B3GALT1: variants seen among roughly 807,000 people sequenced by gnomAD.
B3GALT1 encodes the protein beta-1,3-galactosyltransferase 1, also known as UDP-Gal:betaGlcNAc beta 1,3-galactosyltransferase, polypeptide 1.
B3GALT1 carries 10 observed loss-of-function variants against 23.2 expected under a neutral mutation model. The observed-to-expected ratio is 0.43, with a 90% confidence interval of 0.27 to 0.73. The LOEUF (loss-of-function observed/expected upper bound fraction) is 0.73, where lower values mean the gene tolerates loss of function less well. Ranked by LOEUF, B3GALT1 falls within the 30% of genes least tolerant of loss-of-function variation. The pLI is 0.21. For synonymous variants in B3GALT1, 156 were observed against 141.5 expected, an observed-to-expected ratio of 1.10 and a Z score of -0.73; for missense variants, 299 against 405.4, an observed-to-expected ratio of 0.74 and a Z score of 2.25.
At chr2:167,558,727 A>C (rs1683902985) in intron 2 of B3GALT1, among the ~76,000 whole-genome samples, 1 of 152,220 alleles carries the variant, frequency 6.6e-6, no homozygotes, top group African/African-American at 2.4e-5. Flanking sequence ...TCTGAGATCA[A>C]ACTGCAAGGT....
At chr2:167,575,373 G>T (rs1466713038) in intron 2 of B3GALT1, among the ~76,000 whole-genome samples, 1 of 151,768 alleles carries the variant, frequency 6.6e-6, no homozygotes, top group Non-Finnish European at 1.5e-5. Context: ...GAACTCTAAT[G>T]CTGTTTTACA....
intron 1 of B3GALT1, among the ~76,000 whole-genome samples, 177 bp downstream of exon 1, chr2:167,293,511 TC>T (rs1696293004): frequency 6.6e-6 from 1 of 152,154 alleles, no homozygotes; most frequent in African/African-American, 2.4e-5. Flanking sequence ...TGGTGCGTTC[TC>T]CCTTCCGCGC....
chr2:167,739,065 C>T (rs1687534098), intron 3 of B3GALT1, among the ~76,000 whole-genome samples: 1 of 152,212 alleles, frequency 6.6e-6, no homozygotes, highest in South Asian at 2.1e-4. Context: ...ATTCCATTCC[C>T]TCTGCCCCTC....
intron 2 of B3GALT1, among the ~76,000 whole-genome samples, chr2:167,552,914 AT>A (rs1683774715): frequency 6.6e-6 from 1 of 152,078 alleles, no homozygotes; most frequent in Admixed American, 6.6e-5. Flanking sequence ...TGGTCCTTAA[AT>A]TTCTCCATTG....
At chr2:167,509,434 ATGTGTG>A (rs147601850) in intron 2 of B3GALT1, among the ~76,000 whole-genome samples, 4 of 151,530 alleles carry the variant, frequency 2.6e-5, no homozygotes, top group Admixed American at 2.6e-4. Context: ...ATATATACAT[ATGTGTG>A]TGTGTGTGTA....
At chr2:167,804,573 C>T (rs1399266558) in intron 3 of B3GALT1, among the ~76,000 whole-genome samples, 6 of 151,896 alleles carry the variant, frequency 4.0e-5, no homozygotes, top group African/African-American at 1.2e-4. Context: ...TGAGAACATG[C>T]GGTGTTTGGT....
At chr2:167,839,082 G>T (rs1443203078) in intron 4 of B3GALT1, among the ~76,000 whole-genome samples, 1 of 152,092 alleles carries the variant, frequency 6.6e-6, no homozygotes, top group Non-Finnish European at 1.5e-5. Context: ...TACTGAATTG[G>T]CAAAAACTGG....
chr2:167,445,692 T>G (rs1403425882), intron 1 of B3GALT1, among the ~76,000 whole-genome samples: 1 of 151,880 alleles, frequency 6.6e-6, no homozygotes, highest in African/African-American at 2.4e-5. Context: ...AACCCCTGCT[T>G]TTTTTTTGTT....
intron 1 of B3GALT1, among the ~76,000 whole-genome samples, chr2:167,370,488 A>G (rs902894642): frequency 2.0e-5 from 3 of 152,194 alleles, no homozygotes; most frequent in African/African-American, 7.2e-5. Context: ...CCTCCAATCC[A>G]GCATACACAG....
intron 2 of B3GALT1, among the ~76,000 whole-genome samples, chr2:167,572,275 G>T (rs935846793): frequency 3.3e-5 from 5 of 151,780 alleles, no homozygotes; most frequent in African/African-American, 1.2e-4. Context: ...CGGAAAATAT[G>T]TAAATGCTAT....
intron 2 of B3GALT1, among the ~76,000 whole-genome samples, chr2:167,644,125 AAAT>A: frequency 6.6e-6 from 1 of 152,334 alleles, no homozygotes; most frequent in Non-Finnish European, 1.5e-5. Context: ...GAATTGTTAG[AAAT>A]AATTATTTTT....
chr2:167,785,573 A>G (rs1473658875), intron 3 of B3GALT1, among the ~76,000 whole-genome samples: 1 of 152,184 alleles, frequency 6.6e-6, no homozygotes, highest in Non-Finnish European at 1.5e-5. Flanking sequence ...ATTTTCAGTG[A>G]TGGACACCGT....
chr2:167,508,327 C>T (rs1037230958), intron 2 of B3GALT1, among the ~76,000 whole-genome samples: 11 of 148,170 alleles, frequency 7.4e-5, no homozygotes, highest in African/African-American at 2.7e-4. Flanking sequence ...GCAGTGATCT[C>T]GGCTCACTGC....
intron 3 of B3GALT1, among the ~76,000 whole-genome samples, chr2:167,683,603 C>A (rs1364056708): frequency 1.3e-5 from 2 of 152,150 alleles, no homozygotes; most frequent in African/African-American, 2.4e-5. Flanking sequence ...TGCCTGTAGA[C>A]CTAGCTACTC....
At chr2:167,789,514 G>A (rs1007854650) in intron 3 of B3GALT1, among the ~76,000 whole-genome samples, 2 of 152,104 alleles carry the variant, frequency 1.3e-5, no homozygotes, top group African/African-American at 2.4e-5. Flanking sequence ...ATAAATTCTA[G>A]AGAACGGTGG....
chr2:167,712,772 G>C (rs1316615952), intron 3 of B3GALT1, among the ~76,000 whole-genome samples: 1 of 151,946 alleles, frequency 6.6e-6, no homozygotes, highest in East Asian at 1.9e-4. Flanking sequence ...AAATTACCTG[G>C]GGCATCTGTT....
intron 1 of B3GALT1, among the ~76,000 whole-genome samples, chr2:167,456,312 A>C (rs573106190): frequency 6.6e-6 from 1 of 152,300 alleles, no homozygotes; most frequent in African/African-American, 2.4e-5. Flanking sequence ...CTTATCACTA[A>C]GGTGATGGAG....
At chr2:167,763,690 G>GAA (rs35567239) in intron 3 of B3GALT1, among the ~76,000 whole-genome samples, 15,687 of 81,896 alleles carry the variant, frequency 0.19, 2,022 homozygotes, top group Non-Finnish European at 0.23. Flanking sequence ...GACTCTGTCA[G>GAA]AAAAAAAAAA....
chr2:167,586,230 G>C (rs893807712), intron 2 of B3GALT1, among the ~76,000 whole-genome samples: 5 of 152,162 alleles, frequency 3.3e-5, no homozygotes, highest in Admixed American at 2.6e-4. Flanking sequence ...CTTAAATCCA[G>C]GAAGCAGCAA....
Sources: gnomAD v4.1 joint callset for allele counts (sites outside exome capture counted in the v4.1 genomes callset) on GRCh38, gnomAD v4.1.1 for gene constraint, MANE v1.5 for transcripts, NCBI Gene and HGNC (gene_info 2026-07-23, HGNC 2026-07-21) for gene names.